The following KPNA3 variants were observed in gnomAD, a reference collection of about 807,000 sequenced individuals.
KPNA3 encodes the protein karyopherin subunit alpha 3.
KPNA3 carries 13 observed loss-of-function variants against 73.8 expected under a neutral mutation model. The observed-to-expected ratio is 0.18, with a 90% CI of 0.11 to 0.28. The LOEUF is 0.28. Among genes scored for constraint, KPNA3 ranks in the 10% least tolerant of loss-of-function variants. The pLI is 1.00. For synonymous variants in KPNA3, 186 were observed against 206.9 expected (o/e 0.90, Z 0.87); for missense variants, 360 against 618.1 (o/e 0.58, Z 4.43).
chr13:49,755,769 G>A (rs975066623), intron 1 of KPNA3, among the ~76,000 whole-genome samples: 6 of 151,982 alleles, frequency 3.9e-5, no homozygotes, highest in South Asian at 4.2e-4. Flanking sequence ...CCAGCCTGGC[G>A]ACAGAGGGAG....
chr13:49,783,739 T>C (rs1380150538), intron 1 of KPNA3, among the ~76,000 whole-genome samples: 1 of 152,206 alleles, frequency 6.6e-6, no homozygotes, highest in East Asian at 1.9e-4. Flanking sequence ...ATGTCATCAA[T>C]TTCATGTCCC....
chr13:49,757,128 A>G (rs1476427091), intron 1 of KPNA3, among the ~76,000 whole-genome samples: 1 of 152,192 alleles, frequency 6.6e-6, no homozygotes, highest in East Asian at 1.9e-4. Context: ...GGCTAGGCAA[A>G]GAGTTCTTAA....
At chr13:49,708,000 T>A (rs1258980902) in intron 12 of KPNA3, among the ~76,000 whole-genome samples, 1 of 5,306 alleles carries the variant, frequency 1.9e-4, no homozygotes, top group African/African-American at 3.2e-4. Context: ...CTTTTTTCCT[T>A]TTTTTTTTTT....
intron 11 of KPNA3, among the ~76,000 whole-genome samples, chr13:49,709,955 T>A (rs934400617): frequency 6.6e-6 from 1 of 152,094 alleles, no homozygotes; most frequent in South Asian, 2.1e-4. Context: ...GAAATTAAAA[T>A]TTTAGAAGAA....
chr13:49,787,980 G>A (rs757495854), intron 1 of KPNA3, among the ~76,000 whole-genome samples: 118 of 152,130 alleles, frequency 7.8e-4, no homozygotes, highest in Admixed American at 1.4e-3. Flanking sequence ...GCGCCCAGCC[G>A]CTTAGCATAA....
chr13:49,780,227 A>G (rs368339829), intron 1 of KPNA3, among the ~76,000 whole-genome samples: 12 of 152,050 alleles, frequency 7.9e-5, no homozygotes, highest in African/African-American at 2.9e-4. Context: ...GAATACAACC[A>G]CACTCATTTG....
intron 1 of KPNA3, among the ~76,000 whole-genome samples, chr13:49,750,816 AC>A (rs1954656056): frequency 1.3e-5 from 2 of 151,924 alleles, no homozygotes; most frequent in African/African-American, 4.8e-5. Context: ...ACATGGTGAA[AC>A]CCCATCTCTA....
At chr13:49,737,401 G>A (rs1036888947) in intron 2 of KPNA3, among the ~76,000 whole-genome samples, 4 of 152,210 alleles carry the variant, frequency 2.6e-5, no homozygotes, top group African/African-American at 9.7e-5. Context: ...TGATAGATGT[G>A]TAGTTGTGGC....
At chr13:49,747,540 C>T (rs955795946) in intron 1 of KPNA3, among the ~76,000 whole-genome samples, 1 of 152,144 alleles carries the variant, frequency 6.6e-6, no homozygotes, top group Non-Finnish European at 1.5e-5. Context: ...CCAAAATTAG[C>T]TGGGTGCAGT....
At chr13:49,752,209 C>T (rs182358916) in intron 1 of KPNA3, among the ~76,000 whole-genome samples, 296 of 152,226 alleles carry the variant, frequency 1.9e-3, no homozygotes, top group Non-Finnish European at 3.4e-3. Flanking sequence ...GAACTAAAAT[C>T]CTCTTCCTGG....
At chr13:49,775,978 T>G (rs188549996) in intron 1 of KPNA3, among the ~76,000 whole-genome samples, 1 of 152,240 alleles carries the variant, frequency 6.6e-6, no homozygotes, top group African/African-American at 2.4e-5. Flanking sequence ...GTTTCAAGAG[T>G]TCAACAGGAT....
intron 12 of KPNA3, among the ~76,000 whole-genome samples, chr13:49,707,323 G>T (rs1353331001): frequency 6.6e-6 from 1 of 152,094 alleles, no homozygotes; most frequent in East Asian, 1.9e-4. Context: ...ATCCAACTGT[G>T]GTAAGTTGTT....
chr13:49,730,301 G>C lies in KPNA3; in HGVS notation c.383+2070C>G, dbSNP rs1171951287. Among the ~76,000 whole-genome samples the C allele has an allele frequency of 2.6e-5, 4 of 152,024 alleles. No individual in the cohort carries two copies. In the South Asian group the frequency reaches 6.2e-4, roughly 24 times the overall value. On this transcript the variant is annotated intron_variant, in intron 6 of 16. Coordinates refer to ENST00000261667, the MANE Select transcript of KPNA3 (RefSeq NM_002267.4). ...TAATGTCTGCACTTTGGGAGGCTAA[G>C]GCAGGAGGATCACCTGATGTCAAGA... is the stretch of plus-strand genomic sequence containing the variant.
chr13:49,776,112 C>T (rs1379933671), intron 1 of KPNA3, among the ~76,000 whole-genome samples: 5 of 152,100 alleles, frequency 3.3e-5, no homozygotes, highest in Non-Finnish European at 5.9e-5. Flanking sequence ...ACAAGAGTTT[C>T]GCCATGTTGA....
At chr13:49,759,784 G>A (rs1254007881) in intron 1 of KPNA3, among the ~76,000 whole-genome samples, 2 of 152,192 alleles carry the variant, frequency 1.3e-5, no homozygotes, top group Non-Finnish European at 2.9e-5. Context: ...CTTGCCTGCT[G>A]CCTACCTCCT....
intron 9 of KPNA3, among the ~76,000 whole-genome samples, chr13:49,721,551 G>T (rs1158045543): frequency 6.6e-6 from 1 of 152,196 alleles, no homozygotes; most frequent in Admixed American, 6.5e-5. Context: ...TGGGCGTGGT[G>T]GCTCAGGCCT....
At position 49,700,915 on chromosome 13, in the gene KPNA3, T is replaced by C. The variant is rs1458684517; in HGVS notation, c.*885A>G. On this transcript the variant is annotated 3_prime_UTR_variant, in exon 17 of 17. Transcript: ENST00000261667. ...TTTTGCAGTTTTTTTTTGTTTGCTT[T>C]TTGTTTTGCTGTTTTTCCTTTATAC... 1 of 152,618 alleles carries C rather than the reference T, an allele frequency of 6.6e-6. No homozygotes were observed. The highest frequency in any genetic ancestry group is 1.5e-5 in the Non-Finnish European group (1 of 68,044). 9.5% of individuals were successfully genotyped at this position (152,618 alleles called of 1,614,324 possible). A position where few individuals can be genotyped will look rare whatever the true frequency, so the allele number is the denominator to read the frequency against.
intron 1 of KPNA3, among the ~76,000 whole-genome samples, chr13:49,788,764 A>C (rs1331900824): frequency 2.0e-5 from 3 of 149,954 alleles, no homozygotes; most frequent in Non-Finnish European, 3.0e-5. Flanking sequence ...ATTCCAGAAC[A>C]AATAAAAGGA....
chr13:49,723,244 C>T (rs752540940), intron 7 of KPNA3, among the ~76,000 whole-genome samples: 4 of 151,984 alleles, frequency 2.6e-5, no homozygotes, highest in Non-Finnish European at 4.4e-5. Flanking sequence ...GAGGACATCG[C>T]CACAATCTAA....
Sources: allele counts gnomAD v4.1 joint callset (sites outside exome capture counted in the v4.1 genomes callset), GRCh38; gene constraint gnomAD v4.1.1; transcripts MANE v1.5; gene names NCBI Gene and HGNC (gene_info 2026-07-23, HGNC 2026-07-21).